The following FBLN7 variants were observed in gnomAD, a reference collection of about 807,000 sequenced individuals.
The protein encoded by FBLN7 is fibulin 7.
A neutral mutation model predicts 44.0 loss-of-function variants in FBLN7; 31 were observed. That is an observed-to-expected ratio of 0.70 (90% CI 0.53 to 0.95). FBLN7 has a LOEUF of 0.95. FBLN7 is among the 40% of genes least tolerant of loss of function. FBLN7 has a pLI of 0.00. For synonymous variants in FBLN7, 262 were observed against 253.4 expected (o/e 1.03, Z -0.32); for missense variants, 573 against 618.5 (o/e 0.93, Z 0.78).
At chr2:112,164,907 G>T (rs904477831) in intron 2 of FBLN7, 94 bp from the exon 3 acceptor site, 2 of 1,374,320 alleles carry the variant, frequency 1.5e-6, no homozygotes, top group Non-Finnish European at 1.0e-6. Context: ...ATGCAACAGA[G>T]GGCACTTCGA....
chr2:112,200,527 GTTTGTTT>G, the FBLN7 span, among the ~76,000 whole-genome samples: 18 of 151,922 alleles, frequency 1.2e-4, no homozygotes, highest in African/African-American at 4.3e-4. Context: ...GGTTTTTTTT[GTTTGTTT>G]TTTGTTTTAT....
At position 112,187,768 on chromosome 2, in the gene FBLN7, T is replaced by G. The variant is rs1261038455; in HGVS notation, c.*262T>G. 1 of 513,998 alleles carries G rather than the reference T, an allele frequency of 1.9e-6. No homozygotes were observed. The highest frequency in any genetic ancestry group is 3.4e-6 in the Non-Finnish European group (1 of 295,310). 31.8% of individuals were successfully genotyped at this position (513,998 alleles called of 1,614,324 possible). A position where few individuals can be genotyped will look rare whatever the true frequency, so the allele number is the denominator to read the frequency against. ...TTATGCACTAACTTTCTTAAAACTT[T>G]TTCATCCAGGGGATGGGTGGCTTTC... On this transcript the variant is annotated 3_prime_UTR_variant, in exon 8 of 8. Coordinates refer to ENST00000331203, the MANE Select transcript of FBLN7 (RefSeq NM_153214.3). The surrounding 1 kb of genome is among the most constrained non-coding windows in gnomAD (Gnocchi z 5.1).
At chr2:112,193,450 A>G in the FBLN7 span, among the ~76,000 whole-genome samples, 1 of 152,144 alleles carries the variant, frequency 6.6e-6, no homozygotes, top group African/African-American at 2.4e-5. Flanking sequence ...AAAAAAAACC[A>G]GAAATGGCAT....
At chr2:112,191,550 A>T (rs1463278885), downstream of FBLN7, among the ~76,000 whole-genome samples, 1 of 152,114 alleles carries the variant, frequency 6.6e-6, no homozygotes, top group Non-Finnish European at 1.5e-5. Context: ...CTCCTTCTAA[A>T]CATCACCAAA....
chr2:112,142,815 T>C (rs1680718023), intron 1 of FBLN7, among the ~76,000 whole-genome samples: 1 of 152,180 alleles, frequency 6.6e-6, no homozygotes, highest in African/African-American at 2.4e-5. Context: ...TGTGTGGTTG[T>C]GTGTACACAC....
intron 3 of FBLN7, among the ~76,000 whole-genome samples, chr2:112,172,948 T>G (rs1682550833): frequency 1.3e-5 from 2 of 152,196 alleles, no homozygotes. Context: ...GTTCGTCTTT[T>G]CAATAGGAAG....
chr2:112,222,682 C>A, the FBLN7 span, among the ~76,000 whole-genome samples: 1 of 152,066 alleles, frequency 6.6e-6, no homozygotes, highest in Non-Finnish European at 1.5e-5. Flanking sequence ...AAAGGACATA[C>A]TGTATGATTT....
chr2:112,166,895 C>A (rs1393221139), intron 3 of FBLN7, among the ~76,000 whole-genome samples: 1 of 152,206 alleles, frequency 6.6e-6, no homozygotes, highest in Non-Finnish European at 1.5e-5. Flanking sequence ...GATCTGTCCA[C>A]CCCCTGCCAT....
the FBLN7 span, among the ~76,000 whole-genome samples, chr2:112,219,261 G>A: frequency 6.6e-6 from 1 of 152,096 alleles, no homozygotes; most frequent in African/African-American, 2.4e-5. Flanking sequence ...GGAACACAGT[G>A]GAGAGGGTAG....
the FBLN7 span, among the ~76,000 whole-genome samples, chr2:112,227,458 G>A: frequency 4.2e-4 from 64 of 152,334 alleles, no homozygotes; most frequent in African/African-American, 1.3e-3. Flanking sequence ...CCGCAAGGCC[G>A]CGGTTGCAGT....
At chr2:112,241,908 A>C in the FBLN7 span, among the ~76,000 whole-genome samples, 1 of 152,322 alleles carries the variant, frequency 6.6e-6, no homozygotes, top group South Asian at 2.1e-4. Flanking sequence ...AAAAACTTGA[A>C]AAGGGGTCCA....
At chr2:112,173,651 C>G (rs967393895) in intron 3 of FBLN7, among the ~76,000 whole-genome samples, 1 of 152,220 alleles carries the variant, frequency 6.6e-6, no homozygotes, top group African/African-American at 2.4e-5. Context: ...AACTTACTTA[C>G]GTGAAGTTTC....
chr2:112,182,555 A>G (rs1683053240), intron 5 of FBLN7, among the ~76,000 whole-genome samples: 1 of 148,278 alleles, frequency 6.7e-6, no homozygotes, highest in Admixed American at 6.8e-5. Flanking sequence ...CTAGCACTTC[A>G]GCTCCCTCTC....
rs373655566 is a variant in FBLN7, at chr2:112,158,629, G to C, written c.76-1047G>C. 3.3e-5 allele frequency among the ~76,000 whole-genome samples: 5 copies of C among 151,970 alleles called. No individual in the cohort carries two copies. The East Asian group carries it at 9.7e-4, about 29-fold the overall frequency. On this transcript the variant is annotated intron_variant, in intron 1 of 7. Transcript: ENST00000331203. ...TTTAAAAATATTTGTAGTTGAGACT[G>C]GGTTTCACCATGTTGGCCACGCTGG... is the stretch of plus-strand genomic sequence containing the variant.
At chr2:112,177,195 A>G (rs1682776569) in intron 4 of FBLN7, 1 of 152,302 alleles carries the variant, frequency 6.6e-6, no homozygotes, top group Admixed American at 6.5e-5. Context: ...CTTGCCCTCC[A>G]AAAGTGCTGG....
the FBLN7 span, among the ~76,000 whole-genome samples, chr2:112,208,435 A>C: frequency 6.7e-6 from 1 of 150,312 alleles, no homozygotes; most frequent in Non-Finnish European, 1.5e-5. Context: ...AAAAACAAAC[A>C]AACCACACAT....
chr2:112,185,313 T>A lies in FBLN7; in HGVS notation c.921T>A (p.Asn307Lys). 6.2e-7 allele frequency: 1 copy of A among 1,613,748 alleles called. No individual in the cohort carries two copies. The highest frequency in any genetic ancestry group is 8.5e-7 in the Non-Finnish European group (1 of 1,179,760). Residue 307 changes from asparagine (N) to lysine (K), a missense_variant, in exon 7 of 8, where the codon AAT (asparagine) becomes AAA (lysine). Transcript: ENST00000331203. Reference protein sequence around the residue: ...VSPECPEGSGNVSYVKTSPFQ... With the variant: ...VSPECPEGSGKVSYVKTSPFQ... ...CTGAGTGCCCCGAGGGCAGCGGCAA[T>A]GTGAGCTACGTGAAGACGTCTCCAT... is the stretch of plus-strand genomic sequence containing the variant.
chr2:112,238,272 T>G, the FBLN7 span: 1 of 1,583,854 alleles, frequency 6.3e-7, no homozygotes, highest in Admixed American at 1.8e-5. Context: ...CTGTGACTGC[T>G]TCTCTAGATA....
At chr2:112,177,833 A>C (rs1682803908) in intron 4 of FBLN7, 1 of 152,124 alleles carries the variant, frequency 6.6e-6, no homozygotes, top group Non-Finnish European at 1.5e-5. Flanking sequence ...TCAATCCTTG[A>C]AAAACTTTCA....
Sources: gnomAD v4.1 joint callset for allele counts (sites outside exome capture counted in the v4.1 genomes callset) on GRCh38, gnomAD v4.1.1 for gene constraint, Gnocchi (gnomAD v3.1) non-coding constraint, MANE v1.5 for transcripts, NCBI Gene and HGNC (gene_info 2026-07-23, HGNC 2026-07-21) for gene names.